UPF3A: variants seen among roughly 807,000 people sequenced by gnomAD.
UPF3A encodes the protein regulator of nonsense transcripts 3A.
UPF3A carries 42 observed loss-of-function variants against 53.5 expected under a neutral mutation model. That is an observed-to-expected ratio of 0.78 (90% CI 0.61 to 1.01). UPF3A has a LOEUF of 1.01. UPF3A is among the 50% of genes least tolerant of loss of function. UPF3A has a pLI of 0.00. For synonymous variants in UPF3A, 237 were observed against 225.3 expected (o/e 1.05, Z -0.47); for missense variants, 575 against 598.0 (o/e 0.96, Z 0.40).
At chr13:114,286,710 C>T in intron 5 of UPF3A, 81 bp downstream of exon 5, 1 of 1,164,604 alleles carries the variant, frequency 8.6e-7, no homozygotes. Flanking sequence ...TTTTTCTTGA[C>T]TGTGATAACA....
chr13:114,300,541 G>GTTT lies in UPF3A; in HGVS notation c.1008-1182_1008-1180dup, dbSNP rs59630261. Among the ~76,000 whole-genome samples the GTTT allele has an allele frequency of 4.3e-3, 637 of 147,462 alleles. 4 individuals carry two copies. Among genetic ancestry groups the GTTT allele is most frequent in the African/African-American group, 0.015 (607 of 40,300 alleles). ...CCGCCACCATGCCTGGCTAATTTTT[G>GTTT]TTTTTTTTTTGTTTTTTTGAAACGG... On this transcript the variant is annotated intron_variant, in intron 8 of 9. Coordinates refer to ENST00000375299, the MANE Select transcript of UPF3A (RefSeq NM_023011.4).
At chr13:114,298,779 T>C in intron 7 of UPF3A, 61 bp from the exon 8 acceptor site, 1 of 1,365,290 alleles carries the variant, frequency 7.3e-7, no homozygotes, top group Non-Finnish European at 9.6e-7. Flanking sequence ...ATTATTTATT[T>C]AACAGCTTCT....
chr13:114,282,004 C>G lies in UPF3A; in HGVS notation c.208-17C>G. 6.5e-7 allele frequency: 1 copy of G among 1,542,506 alleles called. No homozygotes were observed. Among genetic ancestry groups the G allele is most frequent in the Admixed American group, 2.0e-5 (1 of 51,164 alleles). On this transcript the variant is annotated splice_polypyrimidine_tract_variant and intron_variant, in intron 1 of 9. Coordinates refer to ENST00000375299, the MANE Select transcript of UPF3A (RefSeq NM_023011.4). ...CCACGCTCCGCCCCGGTGGGAACGG[C>G]CGCGCGCTCCCCGCAGGTGGTCATC...
At chr13:114,299,109 C>A in intron 8 of UPF3A, 109 bp downstream of exon 8, 2 of 1,200,282 alleles carry the variant, frequency 1.7e-6, no homozygotes, top group Non-Finnish European at 1.1e-6. Context: ...CCAAGACTTT[C>A]CAGGGTGTGC....
At chr13:114,287,824 C>CT (rs530552913) in intron 5 of UPF3A, among the ~76,000 whole-genome samples, 2 of 151,910 alleles carry the variant, frequency 1.3e-5, no homozygotes, top group East Asian at 1.9e-4. Flanking sequence ...AGTAATAAAG[C>CT]TTTTTTTCCC....
At chr13:114,296,486 T>C (rs1206934961) in intron 7 of UPF3A, among the ~76,000 whole-genome samples, 1 of 152,190 alleles carries the variant, frequency 6.6e-6, no homozygotes, top group East Asian at 1.9e-4. Context: ...CCATACCCCA[T>C]ACCCACCTTG....
At chr13:114,302,100 C>G (rs2086659947) in intron 9 of UPF3A, 75 bp downstream of exon 9, 4 of 1,368,048 alleles carry the variant, frequency 2.9e-6, no homozygotes. Context: ...CATGTCACCC[C>G]CACTTGGCCT....
intron 1 of UPF3A, 75 bp from the exon 2 acceptor site, chr13:114,281,946 A>G (rs1422444404): frequency 7.3e-7 from 1 of 1,369,014 alleles, no homozygotes; most frequent in African/African-American, 1.6e-5. Context: ...CGGGCCTCCC[A>G]GCGCGGTACG....
At position 114,304,986 on chromosome 13, in the gene UPF3A, G is replaced by A. The variant is rs1184650568; in HGVS notation, c.*69G>A. 7 of 1,551,676 alleles carry A rather than the reference G, an allele frequency of 4.5e-6. No homozygotes were observed. The Admixed American group carries it at 1.4e-4, about 30-fold the overall frequency. On this transcript the variant is annotated 3_prime_UTR_variant, in exon 10 of 10. Coordinates refer to ENST00000375299, the MANE Select transcript of UPF3A (RefSeq NM_023011.4). Reference sequence around the variant, plus strand: ...CAGAAACGTGTAAATGACCCCGAGTGTGACTGGGAAGGAGAACTTATTCCT... The same window carrying A: ...CAGAAACGTGTAAATGACCCCGAGTATGACTGGGAAGGAGAACTTATTCCT...
Position 114,301,809 on chromosome 13 carries a change from T to A in UPF3A, c.1086T>A (p.His362Gln). 1 of 1,613,858 alleles carries A rather than the reference T, an allele frequency of 6.2e-7. No individual in the cohort carries two copies. Among genetic ancestry groups the A allele is most frequent in the Non-Finnish European group, 8.5e-7 (1 of 1,179,902 alleles). Residue 362 changes from histidine to glutamine, a missense_variant, in exon 9 of 10, where the codon CAT becomes CAA. Physicochemically the swap from His to Gln is conservative, Grantham distance 24 (BLOSUM62 0). Coordinates refer to ENST00000375299, the MANE Select transcript of UPF3A (RefSeq NM_023011.4). Reference protein sequence around the residue: ...QEQESEAQRYHVDDGRRHRAH... With the variant: ...QEQESEAQRYQVDDGRRHRAH... ...AAGAATCTGAAGCACAAAGATACCATGTGGATGACGGCAGGAGGCACAGAG... is the reference window on the plus strand; with the variant it reads ...AAGAATCTGAAGCACAAAGATACCAAGTGGATGACGGCAGGAGGCACAGAG...
At chr13:114,294,072 C>T (rs1238469872) in intron 7 of UPF3A, among the ~76,000 whole-genome samples, 2 of 152,096 alleles carry the variant, frequency 1.3e-5, no homozygotes, top group Non-Finnish European at 2.9e-5. Context: ...GCGTGAGCCA[C>T]CATGCCTGGC....
chr13:114,284,553 G>A (rs867624142), intron 3 of UPF3A, among the ~76,000 whole-genome samples: 2 of 151,124 alleles, frequency 1.3e-5, no homozygotes, highest in Non-Finnish European at 2.9e-5. Flanking sequence ...AAAAAAATTA[G>A]CCAGGCATCA....
intron 3 of UPF3A, 41 bp downstream of exon 3, chr13:114,282,984 G>A: frequency 3.7e-6 from 5 of 1,347,228 alleles, no homozygotes; most frequent in Non-Finnish European, 5.2e-6. Flanking sequence ...TAATCTGTAG[G>A]TATACTAATG....
At chr13:114,294,171 GA>G in intron 7 of UPF3A, among the ~76,000 whole-genome samples, 1 of 151,854 alleles carries the variant, frequency 6.6e-6, no homozygotes, top group East Asian at 1.9e-4. Context: ...TTTAATGCCT[GA>G]AAAATGGAAT....
chr13:114,294,281 G>T (rs886514547), intron 7 of UPF3A, among the ~76,000 whole-genome samples: 2 of 151,120 alleles, frequency 1.3e-5, no homozygotes, highest in Non-Finnish European at 3.0e-5. Flanking sequence ...GGTGGGGGGG[G>T]GGTTTGAGAC....
intron 8 of UPF3A, among the ~76,000 whole-genome samples, chr13:114,299,257 T>G (rs112948897): frequency 2.0e-4 from 30 of 152,340 alleles, no homozygotes; most frequent in African/African-American, 6.5e-4. Context: ...GTCCTCCTTT[T>G]ACTCCTGAGC....
chr13:114,304,946 C>T lies in UPF3A; in HGVS notation c.*29C>T, dbSNP rs780748191. The T allele has an allele frequency of 1.3e-5, 21 of 1,602,324 alleles. No homozygotes were observed. In the Middle Eastern group the frequency reaches 5.7e-4, roughly 43 times the overall value. ...ACTGCACGCACCTGGCCTCCATGGA[C>T]GAGCAAGGGCATCCCAGAAACGTGT... On this transcript the variant is annotated 3_prime_UTR_variant, in exon 10 of 10. Coordinates refer to ENST00000375299, the MANE Select transcript of UPF3A (RefSeq NM_023011.4).
chr13:114,282,282 C>T (rs1016212063), intron 2 of UPF3A, 155 bp downstream of exon 2: 12 of 821,074 alleles, frequency 1.5e-5, no homozygotes, highest in Non-Finnish European at 2.0e-5. Context: ...GTGTCCGTTC[C>T]GTCAAAGAAA....
intron 3 of UPF3A, chr13:114,283,440 A>G (rs971510815): frequency 6.6e-6 from 1 of 152,394 alleles, no homozygotes; most frequent in African/African-American, 2.4e-5. Flanking sequence ...TATTTAATCC[A>G]AAAAAATTCC....
Sources: gnomAD v4.1 joint callset for allele counts (sites outside exome capture counted in the v4.1 genomes callset) on GRCh38, gnomAD v4.1.1 for gene constraint, MANE v1.5 for transcripts, NCBI Gene and HGNC (gene_info 2026-07-23, HGNC 2026-07-21) for gene names.